The following ABCA8 variants were observed in gnomAD, a reference collection of about 807,000 sequenced individuals.
ABCA8 encodes ATP binding cassette subfamily A member 8.
In ABCA8, 177 loss-of-function variants were observed where a neutral mutation model predicts 192.3. The ratio of observed to expected loss-of-function variants is 0.92; its 90% CI spans 0.81 to 1.04. The LOEUF (loss-of-function observed/expected upper bound fraction) is 1.04. Among genes scored for constraint, ABCA8 ranks in the 50% least tolerant of loss-of-function variants. The pLI, the probability that ABCA8 is intolerant of heterozygous loss-of-function variation, is 0.00. For synonymous variants in ABCA8, 642 were observed against 690.2 expected, an observed-to-expected ratio of 0.93 and a Z score of 1.09; for missense variants, 1,915 against 1,904.8, an observed-to-expected ratio of 1.01 and a Z score of -0.10.
At chr17:68,882,098 C>T (rs1315115943) in intron 30 of ABCA8, 118 bp from the exon 31 acceptor site, 15 of 819,632 alleles carry the variant, frequency 1.8e-5, no homozygotes, top group Non-Finnish European at 2.8e-5. Flanking sequence ...TCAAAGAAGA[C>T]CTTCTATTTG....
In ABCA8 at chr17:68,882,639, A is replaced by G. The variant is rs1440733678; in HGVS notation, c.3788T>C (p.Val1263Ala). The G allele has an allele frequency of 6.2e-7, 1 of 1,612,684 alleles. No individual in the cohort carries two copies. Among genetic ancestry groups the G allele is most frequent in the South Asian group, 1.1e-5 (1 of 90,986 alleles). Residue 1263 changes from valine (V) to alanine (A), a missense_variant, in exon 30 of 40, where the codon GTG becomes GCG. Val to Ala is a moderately conservative substitution (Grantham distance 64, BLOSUM62 0). Transcript: ENST00000586539. Reference protein sequence around the residue: ...GEDEDVQMERVRTANALNSTN... With the variant: ...GEDEDVQMERARTANALNSTN... ...AGAATTCAAGGCATTTGCTGTTCTC[A>G]CTCTTTCCATCTGAACATCTTCATC... is the stretch of plus-strand genomic sequence containing the variant.
chr17:68,915,767 CTACTAGGTATA>C (rs2067341268), intron 17 of ABCA8, among the ~76,000 whole-genome samples: 1 of 152,158 alleles, frequency 6.6e-6, no homozygotes, highest in Non-Finnish European at 1.5e-5. Flanking sequence ...AGCAATCCCA[CTACTAGGTATA>C]TACCCCAAAG....
Position 68,884,409 on chromosome 17 carries a change from A to C in ABCA8, c.3550-13T>G. On this transcript the variant is annotated splice_polypyrimidine_tract_variant and intron_variant, in intron 27 of 39. Transcript: ENST00000586539. ...AAGAAAAGAGAAGCTGCAAAAGAAA[A>C]GACAATTGCTAAACAGGGAGTTTTT... 6.3e-7 allele frequency: 1 copy of C among 1,575,470 alleles called. No homozygotes were observed. The highest frequency in any genetic ancestry group is 1.2e-5 in the South Asian group (1 of 82,774).
chr17:68,938,026 A>G (rs2143744255), intron 4 of ABCA8, among the ~76,000 whole-genome samples: 1 of 152,296 alleles, frequency 6.6e-6, no homozygotes, highest in East Asian at 1.9e-4. Flanking sequence ...GAGAAGCACA[A>G]GTTCCTGACA....
intron 19 of ABCA8, among the ~76,000 whole-genome samples, chr17:68,905,424 C>A (rs1188274480): frequency 6.6e-6 from 1 of 152,060 alleles, no homozygotes; most frequent in East Asian, 1.9e-4. Context: ...ATATTGAGAG[C>A]AGATGAGAAA....
Position 68,940,636 on chromosome 17 carries a change from C to T in ABCA8, c.301+122G>A, listed in dbSNP as rs895213591. On this transcript the variant is annotated intron_variant, in intron 4 of 39. Coordinates refer to ENST00000586539, the MANE Select transcript of ABCA8 (RefSeq NM_001288985.2). ...TTCCAATAAAGGGAAGACACATTCC[C>T]AATTCATGTACTCCAGAAAGTTTAA... The T allele has an allele frequency of 3.5e-6, 3 of 853,690 alleles. 1 individual carries two copies. Among genetic ancestry groups the T allele is most frequent in the South Asian group, 1.7e-5 (1 of 57,408 alleles). The allele number at this position is 853,690 out of a possible 1,614,324, so 52.9% of individuals were successfully genotyped here. A position where few individuals can be genotyped will look rare whatever the true frequency, so the allele number is the denominator to read the frequency against.
At chr17:68,917,795 C>T (rs4147990) in intron 16 of ABCA8, among the ~76,000 whole-genome samples, 9,129 of 152,276 alleles carry the variant, frequency 0.06, 329 homozygotes, top group South Asian at 0.13. Context: ...AGAAACTCAA[C>T]TTCACTTATT....
rs28439676 is a variant in ABCA8, at chr17:68,932,590, T to C, written c.571-76A>G. 18,777 of 1,090,516 alleles carry C rather than the reference T, an allele frequency of 0.017. 1,999 individuals carry two copies. In the African/African-American group the frequency reaches 0.24, roughly 14 times the overall value. The allele number at this position is 1,090,516 out of a possible 1,614,324, so 67.6% of individuals were successfully genotyped here. A position where few individuals can be genotyped will look rare whatever the true frequency, so the allele number is the denominator to read the frequency against. The stretch of plus-strand genomic sequence containing the variant: ...AGTTTTCTTTTAACCATCTATTTTC[T>C]TGTGGATGTATGATTGGCCTATTGG... On this transcript the variant is annotated intron_variant, in intron 6 of 39. Transcript: ENST00000586539.
intron 38 of ABCA8, among the ~76,000 whole-genome samples, chr17:68,869,376 A>G (rs1478184037): frequency 6.6e-6 from 1 of 152,208 alleles, no homozygotes; most frequent in African/African-American, 2.4e-5. Context: ...AATTTTAAAT[A>G]TGTATGCATA....
chr17:68,902,410 A>C (rs966690841), intron 21 of ABCA8, among the ~76,000 whole-genome samples: 2 of 152,196 alleles, frequency 1.3e-5, no homozygotes, highest in African/African-American at 4.8e-5. Flanking sequence ...AAACCATGGA[A>C]TTGTGCATTT....
intron 21 of ABCA8, among the ~76,000 whole-genome samples, chr17:68,902,476 G>A (rs754943990): frequency 6.6e-6 from 1 of 152,172 alleles, no homozygotes; most frequent in African/African-American, 2.4e-5. Flanking sequence ...TGTTAAAAAT[G>A]CTATTTTGGT....
rs528726432 is a variant in ABCA8, at chr17:68,903,509, A to G, written c.2399-10T>C. 9.9e-6 allele frequency: 16 copies of G among 1,613,808 alleles called. No individual in the cohort carries two copies. In the East Asian group the frequency reaches 3.1e-4, roughly 31 times the overall value. On this transcript the variant is annotated splice_polypyrimidine_tract_variant and intron_variant, in intron 19 of 39. Coordinates refer to ENST00000586539, the MANE Select transcript of ABCA8 (RefSeq NM_001288985.2). ...CCCAAAATAGCAATGTCTGCAAAAC[A>G]TAAAATAAGCAACTCATATGTACTT... is the stretch of plus-strand genomic sequence containing the variant.
At chr17:68,918,605 A>G (rs970425899) in intron 14 of ABCA8, 59 bp from the exon 15 acceptor site, 18 of 1,421,328 alleles carry the variant, frequency 1.3e-5, no homozygotes, top group African/African-American at 2.9e-5. Context: ...TTAAAAATTT[A>G]TAAATACAAG....
At chr17:68,944,359 T>TACATACAC (rs1555619474) in intron 2 of ABCA8, among the ~76,000 whole-genome samples, 1 of 69,464 alleles carries the variant, frequency 1.4e-5, no homozygotes, top group Non-Finnish European at 2.9e-5. Context: ...TATATATATA[T>TACATACAC]ACACATATAC....
At chr17:68,948,923 G>T (rs1032684205) in intron 2 of ABCA8, among the ~76,000 whole-genome samples, 1 of 152,152 alleles carries the variant, frequency 6.6e-6, no homozygotes, top group Non-Finnish European at 1.5e-5. Context: ...TTTGTATAAG[G>T]TGTAAGGAAG....
At chr17:68,928,108 T>TA (rs1328921996) in intron 9 of ABCA8, 45 bp from the exon 10 acceptor site, 5 of 1,472,772 alleles carry the variant, frequency 3.4e-6, no homozygotes, top group Non-Finnish European at 4.6e-6. Context: ...AGGTATAAGA[T>TA]ACATTTTAAA....
intron 27 of ABCA8, 122 bp downstream of exon 27, chr17:68,885,074 C>T (rs1309460214): frequency 2.4e-6 from 3 of 1,229,750 alleles, no homozygotes; most frequent in African/African-American, 1.6e-5. Context: ...TGGATTCCGT[C>T]AGGCAGAAAT....
Position 68,944,359 on chromosome 17 carries a change from T to TAC in ABCA8, c.-5-2322_-5-2321dup, listed in dbSNP as rs3046797. Among the ~76,000 whole-genome samples, 382 of 69,356 alleles carry TAC rather than the reference T, an allele frequency of 5.5e-3. 20 individuals carry two copies. Among genetic ancestry groups the TAC allele is most frequent in the African/African-American group, 0.016 (296 of 18,264 alleles). The allele number at this position is 69,356 out of a possible 152,430, so 45.5% of individuals were successfully genotyped here. On this transcript the variant is annotated intron_variant, in intron 2 of 39. Coordinates refer to ENST00000586539, the MANE Select transcript of ABCA8 (RefSeq NM_001288985.2). ...ATATATATATATATATATATATATA[T>TAC]ACACATATACATACATATGCAAACA...
intron 4 of ABCA8, among the ~76,000 whole-genome samples, chr17:68,939,981 A>C (rs374954286): frequency 2.0e-5 from 3 of 152,046 alleles, no homozygotes; most frequent in African/African-American, 7.2e-5. Flanking sequence ...CTCCAGACAC[A>C]TATGTATCAC....
Sources: allele counts gnomAD v4.1 joint callset (sites outside exome capture counted in the v4.1 genomes callset), GRCh38; gene constraint gnomAD v4.1.1; transcripts MANE v1.5; gene names NCBI Gene and HGNC (gene_info 2026-07-23, HGNC 2026-07-21).